The following BTBD7 variants were observed in gnomAD, a reference collection of about 807,000 sequenced individuals.
BTBD7 encodes BTB domain containing 7, also known as BTB/POZ domain-containing protein 7.
Under a neutral mutation model 99.9 loss-of-function variants are expected in BTBD7, and 38 were observed. That is an observed-to-expected ratio of 0.38 (90% CI 0.29 to 0.50). BTBD7 has a LOEUF of 0.50. Ranked by LOEUF, BTBD7 falls within the 20% of genes least tolerant of loss-of-function variation. The probability of loss-of-function intolerance (pLI) is 0.93; values close to 1 mark genes in which losing one functional copy is unlikely to be tolerated. For missense variants in BTBD7, 1,170 were observed against 1,394.6 expected, an observed-to-expected ratio of 0.84 and a Z score of 2.57; for synonymous variants, 520 against 511.4, an observed-to-expected ratio of 1.02 and a Z score of -0.23.
intron 1 of BTBD7, among the ~76,000 whole-genome samples, chr14:93,316,635 T>A (rs1166388262): frequency 6.6e-6 from 1 of 152,228 alleles, no homozygotes; most frequent in African/African-American, 2.4e-5. Context: ...TTTTATTCAC[T>A]GTTGTATCTC....
At chr14:93,300,717 T>C (rs2052987078) in intron 1 of BTBD7, among the ~76,000 whole-genome samples, 2 of 22,368 alleles carry the variant, frequency 8.9e-5, no homozygotes, top group African/African-American at 6.7e-4. Flanking sequence ...TGTGTGTGTG[T>C]GTGTGTGTGT....
At chr14:93,316,393 G>A (rs934220595) in intron 1 of BTBD7, among the ~76,000 whole-genome samples, 2 of 152,076 alleles carry the variant, frequency 1.3e-5, no homozygotes, top group Non-Finnish European at 2.9e-5. Flanking sequence ...TGGGACTACA[G>A]TATGCACCAC....
intron 1 of BTBD7, among the ~76,000 whole-genome samples, chr14:93,304,597 C>T (rs1487135883): frequency 6.6e-6 from 1 of 152,182 alleles, no homozygotes; most frequent in African/African-American, 2.4e-5. Flanking sequence ...GGTGATCTGC[C>T]GGCCTCGTCT....
chr14:93,238,749 C>T lies in BTBD7; in HGVS notation c.*3524G>A, dbSNP rs989453022. ...ACTCTAGAGAATGATGCATGGAGGT[C>T]GGCTTTGAGCCCCACTGCCGCTGGC... On this transcript the variant is annotated 3_prime_UTR_variant, in exon 11 of 11. Coordinates refer to ENST00000334746, the MANE Select transcript of BTBD7 (RefSeq NM_001002860.4). 6 of 152,224 alleles carry T rather than the reference C, an allele frequency of 3.9e-5. No homozygotes were observed. The highest frequency in any genetic ancestry group is 1.4e-4 in the African/African-American group (6 of 41,456). 9.4% of individuals were successfully genotyped at this position (152,224 alleles called of 1,614,324 possible).
chr14:93,256,950 G>T, intron 6 of BTBD7: 1 of 455,324 alleles, frequency 2.2e-6, no homozygotes, highest in Non-Finnish European at 3.9e-6. Flanking sequence ...AACTCTGCTA[G>T]AAATAATGCT....
intron 1 of BTBD7, among the ~76,000 whole-genome samples, chr14:93,304,376 G>C (rs889247186): frequency 5.9e-5 from 9 of 152,212 alleles, no homozygotes; most frequent in Non-Finnish European, 1.3e-4. Flanking sequence ...TTTTGAGACG[G>C]AGTCTCGTGC....
chr14:93,300,760 GTGTGTGTGTGTGTATA>G lies in BTBD7; in HGVS notation c.-106-4619_-106-4604del, dbSNP rs1459837183. On this transcript the variant is annotated intron_variant, in intron 1 of 10. Transcript: ENST00000334746. ...TGTGTGTGTGTGTGTGTGTGTGTGTGTGTGTGTGTGTGTATATATATATATATTTTTTTTTTGTAGA... is the reference window on the plus strand; with the variant it reads ...TGTGTGTGTGTGTGTGTGTGTGTGTGTATATATATATTTTTTTTTTGTAGA... Among the ~76,000 whole-genome samples the G allele has an allele frequency of 1.5e-3, 53 of 36,454 alleles. 8 individuals carry two copies. The highest frequency in any genetic ancestry group is 5.5e-3 in the South Asian group (7 of 1,264). 23.9% of individuals were successfully genotyped at this position (36,454 alleles called of 152,430 possible).
intron 7 of BTBD7, among the ~76,000 whole-genome samples, chr14:93,253,143 C>G (rs967991725): frequency 2.0e-5 from 3 of 152,196 alleles, no homozygotes; most frequent in Non-Finnish European, 4.4e-5. Flanking sequence ...TTACAATATA[C>G]ATAATGCGAA....
intron 6 of BTBD7, chr14:93,256,239 GTTTA>G (rs1315928966): frequency 6.6e-6 from 1 of 151,764 alleles, no homozygotes; most frequent in Non-Finnish European, 1.5e-5. Context: ...GTGATAGTTC[GTTTA>G]TTATTATGTT....
At chr14:93,255,819 G>C (rs906818091) in intron 6 of BTBD7, 1 of 152,164 alleles carries the variant, frequency 6.6e-6, no homozygotes, top group Admixed American at 6.5e-5. Flanking sequence ...TATAACAACT[G>C]TTCAGGGGAG....
intron 1 of BTBD7, among the ~76,000 whole-genome samples, chr14:93,311,600 C>T (rs2053138471): frequency 6.6e-6 from 1 of 152,078 alleles, no homozygotes; most frequent in Non-Finnish European, 1.5e-5. Context: ...ATCTCATTAT[C>T]TTATATCATT....
Position 93,298,351 on chromosome 14 carries a change from T to A in BTBD7, c.-106-2194A>T, listed in dbSNP as rs1010072605. ...TCTGAAATGCTCCAAAATCCAATAC[T>A]TTTTGAGTGCTGACAGGATGCCACA... On this transcript the variant is annotated intron_variant, in intron 1 of 10. Transcript: ENST00000334746. Among the ~76,000 whole-genome samples the A allele has an allele frequency of 3.9e-5, 6 of 152,312 alleles. 1 individual carries two copies. Among genetic ancestry groups the A allele is most frequent in the South Asian group, 4.1e-4 (2 of 4,824 alleles).
chr14:93,332,177 T>TG (rs1566871323), intron 1 of BTBD7: 1 of 152,246 alleles, frequency 6.6e-6, no homozygotes, highest in East Asian at 1.9e-4. Context: ...TACTGAAATA[T>TG]GCACACTTTT....
chr14:93,250,462 A>C (rs1422262451), intron 8 of BTBD7, among the ~76,000 whole-genome samples: 1 of 152,242 alleles, frequency 6.6e-6, no homozygotes, highest in Non-Finnish European at 1.5e-5. Context: ...CAAATTTGAT[A>C]AGGTAACAAC....
At chr14:93,248,208 GT>G (rs1324850601) in intron 9 of BTBD7, among the ~76,000 whole-genome samples, 1 of 152,168 alleles carries the variant, frequency 6.6e-6, no homozygotes, top group Non-Finnish European at 1.5e-5. Flanking sequence ...GATGCCCAGG[GT>G]GGTTAAGTAA....
At chr14:93,321,547 C>T (rs11620686) in intron 1 of BTBD7, among the ~76,000 whole-genome samples, 2 of 152,078 alleles carry the variant, frequency 1.3e-5, no homozygotes, top group Admixed American at 6.5e-5. Context: ...GAGCTGAGAT[C>T]GCGCCATGGC....
intron 1 of BTBD7, among the ~76,000 whole-genome samples, chr14:93,299,585 A>AT (rs1797568049): frequency 6.7e-6 from 1 of 149,740 alleles, no homozygotes; most frequent in Non-Finnish European, 1.5e-5. Context: ...TCTTAATAGC[A>AT]TATGATCAAT....
intron 3 of BTBD7, among the ~76,000 whole-genome samples, chr14:93,274,624 C>T (rs2052635377): frequency 6.6e-6 from 1 of 152,188 alleles, no homozygotes; most frequent in Non-Finnish European, 1.5e-5. Context: ...CAGCTCAGAA[C>T]ACATGCTTGT....
intron 3 of BTBD7, among the ~76,000 whole-genome samples, chr14:93,277,832 G>C (rs1369197279): frequency 6.6e-6 from 1 of 152,174 alleles, no homozygotes; most frequent in East Asian, 1.9e-4. Context: ...AGAGAGCAGG[G>C]CAAGTCAAAC....
Sources: allele counts gnomAD v4.1 joint callset (sites outside exome capture counted in the v4.1 genomes callset), GRCh38; gene constraint gnomAD v4.1.1; transcripts MANE v1.5; gene names NCBI Gene and HGNC (gene_info 2026-07-23, HGNC 2026-07-21).